Variants in NUP37 observed in about 807,000 individuals in gnomAD.
NUP37 encodes nucleoporin Nup37.
NUP37 carries 33 observed loss-of-function variants against 45.4 expected under a neutral mutation model. The ratio of observed to expected loss-of-function variants is 0.73; its 90% CI spans 0.55 to 0.97. The LOEUF (loss-of-function observed/expected upper bound fraction) is 0.97. NUP37 is among the 50% of genes least tolerant of loss of function. NUP37 has a pLI of 0.00. For missense variants in NUP37, 365 were observed against 389.7 expected, an observed-to-expected ratio of 0.94 and a Z score of 0.53; for synonymous variants, 127 against 130.7, an observed-to-expected ratio of 0.97 and a Z score of 0.19.
intron 7 of NUP37, 135 bp downstream of exon 7, chr12:102,077,187 T>C: frequency 5.8e-6 from 5 of 869,290 alleles, no homozygotes; most frequent in Non-Finnish European, 9.3e-6. Flanking sequence ...AATCCATAGC[T>C]CTGGCCTTCT....
intron 2 of NUP37, among the ~76,000 whole-genome samples, chr12:102,114,137 T>A (rs1181101520): frequency 6.6e-6 from 1 of 152,192 alleles, no homozygotes; most frequent in Admixed American, 6.5e-5. Flanking sequence ...CACTAAACAA[T>A]TTTAAAATAA....
At chr12:102,089,600 C>T (rs1182259847) in intron 5 of NUP37, among the ~76,000 whole-genome samples, 5 of 136,584 alleles carry the variant, frequency 3.7e-5, no homozygotes, top group Middle Eastern at 5.0e-3. Context: ...ACCTCCCAGA[C>T]GAAGGGCGGC....
intron 3 of NUP37, among the ~76,000 whole-genome samples, chr12:102,110,406 T>A (rs1594400123): frequency 6.9e-6 from 1 of 144,806 alleles, no homozygotes; most frequent in East Asian, 2.0e-4. Flanking sequence ...GAGGCGGAGG[T>A]GAGAGGGAGG....
chr12:102,101,668 T>G (rs1323895775), intron 3 of NUP37, among the ~76,000 whole-genome samples: 1 of 152,126 alleles, frequency 6.6e-6, no homozygotes, highest in Non-Finnish European at 1.5e-5. Context: ...TTAAAACATG[T>G]TTTTCAGTAG....
intron 4 of NUP37, among the ~76,000 whole-genome samples, chr12:102,099,779 G>C (rs181307728): frequency 6.6e-6 from 1 of 152,318 alleles, no homozygotes; most frequent in Admixed American, 6.5e-5. Context: ...AAGTTGCACA[G>C]TGGAGGACTG....
intron 2 of NUP37, among the ~76,000 whole-genome samples, chr12:102,117,619 G>T (rs774745369): frequency 6.6e-6 from 1 of 152,138 alleles, no homozygotes; most frequent in African/African-American, 2.4e-5. Context: ...AAACCTGAGA[G>T]TGTTACCACT....
At chr12:102,087,647 G>A (rs1879510045) in intron 5 of NUP37, among the ~76,000 whole-genome samples, 1 of 152,116 alleles carries the variant, frequency 6.6e-6, no homozygotes, top group Admixed American at 6.5e-5. Flanking sequence ...AAAGTGTTGG[G>A]CTAGCATATA....
chr12:102,078,687 G>C (rs1424053192), intron 6 of NUP37, among the ~76,000 whole-genome samples: 1 of 152,136 alleles, frequency 6.6e-6, no homozygotes, highest in Admixed American at 6.5e-5. Context: ...TTGTTGTGAT[G>C]ATTAAATAGT....
At chr12:102,101,567 T>A (rs536222741) in intron 3 of NUP37, among the ~76,000 whole-genome samples, 189 of 152,266 alleles carry the variant, frequency 1.2e-3, no homozygotes, top group Non-Finnish European at 2.4e-3. Context: ...TCCAAATAAA[T>A]CAGATGAAGT....
At chr12:102,080,922 T>C (rs1405915317) in intron 6 of NUP37, among the ~76,000 whole-genome samples, 1 of 152,226 alleles carries the variant, frequency 6.6e-6, no homozygotes. Context: ...ACTTATGGAC[T>C]ACGGAAGGGC....
chr12:102,112,523 G>A (rs560731203), intron 2 of NUP37, among the ~76,000 whole-genome samples: 62 of 152,268 alleles, frequency 4.1e-4, no homozygotes, highest in Non-Finnish European at 7.9e-4. Flanking sequence ...TTGGTCAGGC[G>A]TGTTGGCTCA....
At chr12:102,076,731 T>C in intron 8 of NUP37, 66 bp downstream of exon 8, 1 of 1,308,982 alleles carries the variant, frequency 7.6e-7, no homozygotes, top group Non-Finnish European at 1.1e-6. Context: ...ACTACAAAAG[T>C]ATCCCAGTGG....
At position 102,085,403 on chromosome 12, in the gene NUP37, C is replaced by T. The variant is rs545989398; in HGVS notation, c.540+363G>A. Among the ~76,000 whole-genome samples the T allele has an allele frequency of 1.2e-4, 18 of 152,128 alleles. No homozygotes were observed. The South Asian group carries it at 2.9e-3, about 25-fold the overall frequency. The stretch of plus-strand genomic sequence containing the variant: ...CACCACTGCACTCCAACCTGGGTGA[C>T]AGAGTGAGACCCTGTCTAAAAAAAA... On this transcript the variant is annotated intron_variant, in intron 6 of 9. Coordinates refer to ENST00000552283, the MANE Select transcript of NUP37 (RefSeq NM_024057.4).
chr12:102,077,298 T>C, intron 7 of NUP37, 24 bp downstream of exon 7: 3 of 1,612,380 alleles, frequency 1.9e-6, no homozygotes, highest in Non-Finnish European at 2.5e-6. Context: ...TGGTGTGTAA[T>C]AGACAAACAT....
At chr12:102,074,585 T>TTA in intron 9 of NUP37, 118 bp from the exon 10 acceptor site, 1 of 638,198 alleles carries the variant, frequency 1.6e-6, no homozygotes, top group East Asian at 2.8e-5. Context: ...AAACAAAATT[T>TTA]AAAAATATGC....
In NUP37 at chr12:102,119,590, G is replaced by A. The variant is rs530286026; in HGVS notation, c.-66+460C>T. 5.3e-5 allele frequency among the ~76,000 whole-genome samples: 8 copies of A among 152,178 alleles called. No homozygotes were observed. The South Asian group carries it at 1.5e-3, about 28-fold the overall frequency. ...CTGGACTCAGTAACAAACATATCAA[G>A]CACCTTAAGAGTATGTACTGAGAAT... is the stretch of plus-strand genomic sequence containing the variant. On this transcript the variant is annotated intron_variant, in intron 1 of 9. Coordinates refer to ENST00000552283, the MANE Select transcript of NUP37 (RefSeq NM_024057.4).
chr12:102,096,703 T>C (rs1879814640), intron 5 of NUP37, among the ~76,000 whole-genome samples: 1 of 152,204 alleles, frequency 6.6e-6, no homozygotes, highest in Non-Finnish European at 1.5e-5. Flanking sequence ...TGTGATATTG[T>C]AAGAATCTTA....
chr12:102,076,909 G>C (rs1382130106), intron 7 of NUP37, 62 bp from the exon 8 acceptor site: 1 of 1,167,210 alleles, frequency 8.6e-7, no homozygotes, highest in Non-Finnish European at 1.3e-6. Context: ...TGAACTTAAG[G>C]TTTAAACAGT....
chr12:102,109,509 CCTT>C (rs1594399650), intron 3 of NUP37, among the ~76,000 whole-genome samples: 1 of 152,056 alleles, frequency 6.6e-6, no homozygotes, highest in East Asian at 1.9e-4. Context: ...GCATTCTTCT[CCTT>C]ATTTTCTGTG....
Sources: allele counts gnomAD v4.1 joint callset (sites outside exome capture counted in the v4.1 genomes callset), GRCh38; gene constraint gnomAD v4.1.1; transcripts MANE v1.5; gene names NCBI Gene and HGNC (gene_info 2026-07-23, HGNC 2026-07-21).